The following SMOC1 variants were observed in gnomAD, a reference collection of about 807,000 sequenced individuals.
SMOC1 encodes SPARC-related modular calcium-binding protein 1.
In SMOC1, 22 loss-of-function variants were observed where a neutral mutation model predicts 56.3. The ratio of observed to expected loss-of-function variants is 0.39; its 90% CI spans 0.28 to 0.56. The LOEUF (loss-of-function observed/expected upper bound fraction) is 0.56, where lower values mean the gene tolerates loss of function less well. SMOC1 is among the 20% of genes least tolerant of loss of function. The pLI is 0.61. For missense variants in SMOC1, 509 were observed against 565.4 expected, an observed-to-expected ratio of 0.90 and a Z score of 1.01; for synonymous variants, 193 against 215.0, an observed-to-expected ratio of 0.90 and a Z score of 0.89.
chr14:70,022,045 TC>T (rs1232391316), intron 10 of SMOC1, among the ~76,000 whole-genome samples: 1 of 152,124 alleles, frequency 6.6e-6, no homozygotes, highest in African/African-American at 2.4e-5. Context: ...TGTGTGGGAC[TC>T]CCAACATCAA....
chr14:69,945,391 G>A (rs184748141), intron 1 of SMOC1, among the ~76,000 whole-genome samples: 1 of 152,168 alleles, frequency 6.6e-6, no homozygotes, highest in Non-Finnish European at 1.5e-5. Context: ...ATTAGGGGTA[G>A]GGATGGGGGC....
At chr14:69,926,412 C>T (rs533220543) in intron 1 of SMOC1, among the ~76,000 whole-genome samples, 13 of 152,186 alleles carry the variant, frequency 8.5e-5, no homozygotes, top group Admixed American at 4.6e-4. Context: ...GGCCATGGGG[C>T]GGGACAGACT....
chr14:69,989,853 T>C (rs915797740), intron 5 of SMOC1, among the ~76,000 whole-genome samples: 2 of 152,236 alleles, frequency 1.3e-5, no homozygotes, highest in African/African-American at 4.8e-5. Context: ...TCTTATTTGC[T>C]GGGTCAGAAG....
intron 11 of SMOC1, among the ~76,000 whole-genome samples, chr14:70,027,672 T>A (rs1221162706): frequency 6.6e-6 from 1 of 152,206 alleles, no homozygotes; most frequent in Non-Finnish European, 1.5e-5. Context: ...CTTTAATCCT[T>A]GGCAAGTTAC....
chr14:69,919,215 A>G (rs959363901), intron 1 of SMOC1, among the ~76,000 whole-genome samples: 1 of 152,196 alleles, frequency 6.6e-6, no homozygotes, highest in African/African-American at 2.4e-5. Context: ...AAAGAGCTAC[A>G]TCAAGCAACC....
rs779998214 is a variant in SMOC1 at position 69,975,733 on chromosome 14, A to G, written c.397A>G (p.Thr133Ala). The part of the protein sequence containing the change: ...SFTQVQCHTY[T>A]GYCWCVTPDG... Reference sequence around the variant, plus strand: ...TGAACAGGTGCAGTGCCATACTTACACTGGGTACTGCTGGTGTGTCACCCC... The same window carrying G: ...TGAACAGGTGCAGTGCCATACTTACGCTGGGTACTGCTGGTGTGTCACCCC... Residue 133 changes from threonine to alanine, a missense_variant, in exon 4 of 12, where the codon ACT becomes GCT. Physicochemically the swap from Thr to Ala is moderately conservative, Grantham distance 58. This residue lies in a region of SMOC1 where 315 missense variants were observed against 333.1 expected (regional missense o/e 0.95). Transcript: ENST00000361956. 2.5e-6 allele frequency: 4 copies of G among 1,612,910 alleles called. No homozygotes were observed. The East Asian group carries it at 8.9e-5, about 36-fold the overall frequency.
chr14:69,916,185 A>C (rs1884681776), intron 1 of SMOC1, among the ~76,000 whole-genome samples: 1 of 152,212 alleles, frequency 6.6e-6, no homozygotes, highest in Non-Finnish European at 1.5e-5. Flanking sequence ...CCATCTTTAG[A>C]GGTGCGACGA....
At chr14:70,001,663 T>A (rs1884974416) in intron 7 of SMOC1, among the ~76,000 whole-genome samples, 1 of 152,200 alleles carries the variant, frequency 6.6e-6, no homozygotes, top group Non-Finnish European at 1.5e-5. Context: ...GAAGACCATG[T>A]TTGCTCCACA....
At position 69,948,046 on chromosome 14, in the gene SMOC1, A is replaced by C. The variant is rs1008372243; in HGVS notation, c.100-4092A>C. On this transcript the variant is annotated intron_variant, in intron 1 of 11. Coordinates refer to ENST00000361956, the MANE Select transcript of SMOC1 (RefSeq NM_001034852.3). Reference sequence around the variant, plus strand: ...CCATGTTGGTTACATGTTGCTTCCTATGCTGGTACGGTGTTGGGTTCACTG... The same window carrying C: ...CCATGTTGGTTACATGTTGCTTCCTCTGCTGGTACGGTGTTGGGTTCACTG... Among the ~76,000 whole-genome samples the C allele has an allele frequency of 3.3e-5, 5 of 152,176 alleles. No homozygotes were observed. The South Asian group carries it at 6.2e-4, about 19-fold the overall frequency.
At chr14:70,011,047 G>T in intron 8 of SMOC1, 101 bp downstream of exon 8, 1 of 1,323,256 alleles carries the variant, frequency 7.6e-7, no homozygotes, top group South Asian at 1.2e-5. Flanking sequence ...GGAGATGAGT[G>T]CCTGGGAGAG....
At chr14:69,899,742 C>T (rs61980616) in intron 1 of SMOC1, among the ~76,000 whole-genome samples, 8,643 of 152,184 alleles carry the variant, frequency 0.057, 294 homozygotes, top group Non-Finnish European at 0.077. Flanking sequence ...TCTAGGTGCC[C>T]TTGCAGTTTT....
At chr14:69,986,527 A>G (rs1001691421) in intron 5 of SMOC1, among the ~76,000 whole-genome samples, 3 of 152,186 alleles carry the variant, frequency 2.0e-5, no homozygotes, top group African/African-American at 7.2e-5. Context: ...CTAACTATAA[A>G]GCCGTTACCA....
At chr14:69,914,577 GAAACAAAC>G (rs35586375) in intron 1 of SMOC1, among the ~76,000 whole-genome samples, 65 of 151,160 alleles carry the variant, frequency 4.3e-4, no homozygotes, top group African/African-American at 7.8e-4. Flanking sequence ...CAGTAGGAAG[GAAACAAAC>G]AAACAAACAA....
At chr14:69,958,041 C>A (rs1372335904) in intron 3 of SMOC1, among the ~76,000 whole-genome samples, 1 of 152,170 alleles carries the variant, frequency 6.6e-6, no homozygotes, top group Non-Finnish European at 1.5e-5. Context: ...TCCTGAATGC[C>A]TTTTATTGTT....
At chr14:69,917,743 A>G (rs2148502) in intron 1 of SMOC1, among the ~76,000 whole-genome samples, 25,878 of 152,208 alleles carry the variant, frequency 0.17, 2,514 homozygotes, top group Admixed American at 0.29. Flanking sequence ...TCAGGTTTCT[A>G]TATGAACAAA....
Position 70,023,317 on chromosome 14 carries a change from C to G in SMOC1, c.1161C>G (p.Phe387Leu). 1 of 1,614,182 alleles carries G rather than the reference C, an allele frequency of 6.2e-7. No homozygotes were observed. The highest frequency in any genetic ancestry group is 1.3e-5 in the African/African-American group (1 of 75,036). ...NDINKREMKP[F>L]KRYVKKKAKP... ...TTAACAAGCGGGAGATGAAGCCCTTCAAGCGCTACGTGAAGAAGAAAGCCA... is the reference window on the plus strand; with the variant it reads ...TTAACAAGCGGGAGATGAAGCCCTTGAAGCGCTACGTGAAGAAGAAAGCCA... Residue 387 changes from phenylalanine to leucine, a missense_variant, in exon 11 of 12, where the codon TTC becomes TTG. Physicochemically the swap from Phe to Leu is conservative, Grantham distance 22 (BLOSUM62 0). Around this residue, in one of 3 missense-constraint regions of SMOC1, gnomAD observed 176 missense variants for 188.1 expected, o/e 0.94. Transcript: ENST00000361956.
intron 1 of SMOC1, among the ~76,000 whole-genome samples, chr14:69,917,257 T>G (rs1884710189): frequency 6.6e-6 from 1 of 152,198 alleles, no homozygotes; most frequent in African/African-American, 2.4e-5. Flanking sequence ...GGTAGTAAGA[T>G]AATTTTATTT....
chr14:69,966,158 T>C (rs1036685460), intron 3 of SMOC1, among the ~76,000 whole-genome samples: 3 of 152,156 alleles, frequency 2.0e-5, no homozygotes, highest in Non-Finnish European at 1.5e-5. Flanking sequence ...TTTCTTATTA[T>C]GTACTTTTTA....
rs1883019829 is a variant in SMOC1 at position 69,952,134 on chromosome 14, C to G, written c.100-4C>G. On this transcript the variant is annotated splice_region_variant and splice_polypyrimidine_tract_variant and intron_variant, in intron 1 of 11. Coordinates refer to ENST00000361956, the MANE Select transcript of SMOC1 (RefSeq NM_001034852.3). ...CTGTACCCTTTCACTTTTTTCCAAC[C>G]TAGTTTCTAATAAGTGACCGTGACC... 6.2e-7 allele frequency: 1 copy of G among 1,614,014 alleles called. No homozygotes were observed. Among genetic ancestry groups the G allele is most frequent in the East Asian group, 2.2e-5 (1 of 44,880 alleles).
Sources: allele counts gnomAD v4.1 joint callset (sites outside exome capture counted in the v4.1 genomes callset), GRCh38; gene constraint gnomAD v4.1.1; regional missense constraint gnomAD v4.1.1; transcripts MANE v1.5; gene names NCBI Gene and HGNC (gene_info 2026-07-23, HGNC 2026-07-21).